The following SH3BGRL variants were observed in gnomAD, a reference collection of about 807,000 sequenced individuals.
SH3BGRL encodes the protein adapter SH3BGRL.
In SH3BGRL, 7 loss-of-function variants were observed where a neutral mutation model predicts 9.8. The ratio of observed to expected loss-of-function variants is 0.72; its 90% CI spans 0.41 to 1.35. The LOEUF is 1.35. SH3BGRL is among the 40% of genes most tolerant of loss of function. The pLI, the probability that SH3BGRL is intolerant of heterozygous loss-of-function variation, is 0.01. For synonymous variants in SH3BGRL, 36 were observed against 29.1 expected (o/e 1.24, Z -0.76); for missense variants, 73 against 84.4 (o/e 0.86, Z 0.53).
chrX:81,264,074 A>G (rs1047952275), intron 1 of SH3BGRL, among the ~76,000 whole-genome samples: 3 of 110,313 alleles, frequency 2.7e-5, no homozygotes, highest in African/African-American at 9.9e-5. Context: ...AAGGCTGGTC[A>G]AGAGAAAGGA....
chrX:81,207,905 A>C (rs897504607), intron 1 of SH3BGRL, among the ~76,000 whole-genome samples: 2 of 111,931 alleles, frequency 1.8e-5, no homozygotes, highest in African/African-American at 3.3e-5. Context: ...GCATTTAAAA[A>C]GATGCTTAAA....
chrX:81,237,015 A>G lies in SH3BGRL; in HGVS notation c.45+34770A>G, dbSNP rs2075650493. 5.8e-6 allele frequency: 4 copies of G among 695,218 alleles called. No individual in the cohort carries two copies. In the South Asian group the frequency reaches 1.1e-4, roughly 19 times the overall value. The allele number at this position is 695,218 out of a possible 1,213,427, so 57.3% of individuals were successfully genotyped here. ...CAGTAAGAAAGCAGGCACAGTCTAA[A>G]GACTTGAAACCATGGAAATTAGATA... On this transcript the variant is annotated intron_variant, in intron 1 of 3. Transcript: ENST00000373212.
chrX:81,280,291 C>T (rs1290018635), intron 3 of SH3BGRL, among the ~76,000 whole-genome samples: 1 of 110,986 alleles, frequency 9.0e-6, no homozygotes, highest in African/African-American at 3.3e-5. Context: ...GTTCTAGGGC[C>T]CTGCCTACTG....
intron 1 of SH3BGRL, among the ~76,000 whole-genome samples, chrX:81,270,093 A>G (rs2075772981): frequency 9.1e-6 from 1 of 109,735 alleles, no homozygotes; most frequent in Non-Finnish European, 1.9e-5. Flanking sequence ...TCTTCTCTAC[A>G]CTTGTTATTC....
At chrX:81,227,181 G>A (rs760752434) in intron 1 of SH3BGRL, among the ~76,000 whole-genome samples, 2 of 111,808 alleles carry the variant, frequency 1.8e-5, no homozygotes, top group Non-Finnish European at 3.8e-5. Flanking sequence ...AAAAAATGGA[G>A]CATCAAAAAT....
At chrX:81,287,685 G>A (rs1295467714) in intron 3 of SH3BGRL, among the ~76,000 whole-genome samples, 2 of 110,430 alleles carry the variant, frequency 1.8e-5, no homozygotes, top group South Asian at 3.9e-4. Flanking sequence ...ACAAGATTAG[G>A]AGAAATACTT....
chrX:81,254,788 T>C (rs2075720391), intron 1 of SH3BGRL, among the ~76,000 whole-genome samples: 1 of 111,867 alleles, frequency 8.9e-6, no homozygotes, highest in African/African-American at 3.3e-5. Flanking sequence ...ACCAACTGAG[T>C]GTGCAGCCTT....
chrX:81,215,119 G>A (rs2075577517), intron 1 of SH3BGRL, among the ~76,000 whole-genome samples: 2 of 109,841 alleles, frequency 1.8e-5, no homozygotes, highest in Admixed American at 1.9e-4. Flanking sequence ...CAGAAGTTTG[G>A]GATTCCATAT....
intron 1 of SH3BGRL, among the ~76,000 whole-genome samples, chrX:81,211,276 G>A (rs2075562269): frequency 9.0e-6 from 1 of 111,708 alleles, no homozygotes; most frequent in African/African-American, 3.3e-5. Context: ...GTCTGTGTGG[G>A]TGTTGCCAAA....
intron 1 of SH3BGRL, among the ~76,000 whole-genome samples, chrX:81,271,399 T>G (rs759533283): frequency 8.9e-5 from 10 of 112,315 alleles, no homozygotes; most frequent in African/African-American, 2.9e-4. Context: ...TTCTTTTTCT[T>G]TTAGCAGGAA....
chrX:81,272,658 C>A (rs2075784828), intron 1 of SH3BGRL, among the ~76,000 whole-genome samples: 1 of 109,495 alleles, frequency 9.1e-6, no homozygotes, highest in African/African-American at 3.3e-5. Context: ...TGACACCACG[C>A]CCGGCTAATT....
At chrX:81,224,523 AAACAC>A (rs1271682693) in intron 1 of SH3BGRL, among the ~76,000 whole-genome samples, 1 of 111,708 alleles carries the variant, frequency 9.0e-6, no homozygotes, top group Non-Finnish European at 1.9e-5. Context: ...GACTTCTTTA[AAACAC>A]AATTTATAAT....
chrX:81,253,041 T>C (rs1015801399), intron 1 of SH3BGRL, among the ~76,000 whole-genome samples: 1 of 112,370 alleles, frequency 8.9e-6, no homozygotes, highest in East Asian at 2.8e-4. Flanking sequence ...ATTAGATTTA[T>C]GTCAATAAGT....
intron 1 of SH3BGRL, among the ~76,000 whole-genome samples, chrX:81,205,338 T>G (rs961522473): frequency 9.0e-6 from 1 of 110,655 alleles, no homozygotes; most frequent in Non-Finnish European, 1.9e-5. Flanking sequence ...TCTTTTGTCT[T>G]TCTGTGTTAT....
At chrX:81,215,587 G>C (rs1476910667) in intron 1 of SH3BGRL, among the ~76,000 whole-genome samples, 1 of 111,058 alleles carries the variant, frequency 9.0e-6, no homozygotes, top group African/African-American at 3.3e-5. Flanking sequence ...AAATAAGAAA[G>C]GAGTCAAGGC....
intron 1 of SH3BGRL, among the ~76,000 whole-genome samples, chrX:81,214,566 C>T (rs5959851): frequency 0.028 from 3,093 of 111,151 alleles, 104 homozygotes; most frequent in African/African-American, 0.096. Context: ...TGTCTAGTGG[C>T]TGAAATATTC....
intron 1 of SH3BGRL, among the ~76,000 whole-genome samples, chrX:81,262,786 A>G (rs1327667202): frequency 8.9e-6 from 1 of 112,253 alleles, no homozygotes; most frequent in Non-Finnish European, 1.9e-5. Flanking sequence ...TGTAAATTGC[A>G]TTCCAGAATT....
chrX:81,265,199 GTTT>G (rs372356022), intron 1 of SH3BGRL, among the ~76,000 whole-genome samples: 1 of 97,475 alleles, frequency 1.0e-5, no homozygotes, highest in African/African-American at 3.7e-5. Context: ...ACAGAGTAGA[GTTT>G]TTTTTTTTTC....
chrX:81,277,892 A>G (rs1317625431), intron 2 of SH3BGRL, among the ~76,000 whole-genome samples: 1 of 112,122 alleles, frequency 8.9e-6, no homozygotes, highest in Non-Finnish European at 1.9e-5. Context: ...GAATTCTAGT[A>G]TTATGGAAGT....
Sources: gnomAD v4.1 joint callset for allele counts (sites outside exome capture counted in the v4.1 genomes callset) on GRCh38, gnomAD v4.1.1 for gene constraint, MANE v1.5 for transcripts, NCBI Gene and HGNC (gene_info 2026-07-23, HGNC 2026-07-21) for gene names.